Variants in RAD51B observed in about 807,000 individuals in gnomAD.
The protein encoded by RAD51B is DNA repair protein RAD51 homolog 2.
In RAD51B, 38 loss-of-function variants were observed where a neutral mutation model predicts 42.2. The ratio of observed to expected loss-of-function variants is 0.90; its 90% CI spans 0.70 to 1.18. The LOEUF is 1.18. Ranked by LOEUF, RAD51B falls within the 50% of genes most tolerant of loss-of-function variation. The pLI, the probability that RAD51B is intolerant of heterozygous loss-of-function variation, is 0.00. For missense variants in RAD51B, 373 were observed against 400.7 expected (o/e 0.93, Z 0.59); for synonymous variants, 154 against 145.2 (o/e 1.06, Z -0.43).
chr14:68,452,855 C>G (rs1311573593), intron 9 of RAD51B, among the ~76,000 whole-genome samples: 1 of 152,112 alleles, frequency 6.6e-6, no homozygotes, highest in Non-Finnish European at 1.5e-5. Flanking sequence ...GGTTAGAGTA[C>G]CCAAAATCAT....
At chr14:68,445,200 A>G (rs1415678099) in intron 9 of RAD51B, among the ~76,000 whole-genome samples, 3 of 152,114 alleles carry the variant, frequency 2.0e-5, no homozygotes, top group African/African-American at 7.2e-5. Context: ...ACAAAGGGAC[A>G]ATTTAGGGGA....
intron 11 of RAD51B, among the ~76,000 whole-genome samples, chr14:68,654,946 C>T (rs55767067): frequency 0.16 from 25,024 of 152,152 alleles, 2,596 homozygotes; most frequent in Admixed American, 0.23. Context: ...CTCCCTCCCC[C>T]CCTGCCTTCC....
chr14:68,183,177 G>A (rs2079087637), intron 7 of RAD51B, among the ~76,000 whole-genome samples: 2 of 152,174 alleles, frequency 1.3e-5, no homozygotes, highest in African/African-American at 4.8e-5. Context: ...CTCTCTGCAA[G>A]CTGAGGAGCA....
intron 9 of RAD51B, among the ~76,000 whole-genome samples, chr14:68,423,664 G>C (rs1391618435): frequency 6.6e-6 from 1 of 152,186 alleles, no homozygotes; most frequent in Non-Finnish European, 1.5e-5. Flanking sequence ...GTTCATGTAA[G>C]ATTATTCATG....
chr14:68,390,827 C>T (rs1409404276), intron 8 of RAD51B, among the ~76,000 whole-genome samples: 1 of 152,254 alleles, frequency 6.6e-6, no homozygotes, highest in Non-Finnish European at 1.5e-5. Flanking sequence ...GATGTCTGCA[C>T]TACTGAGATA....
intron 7 of RAD51B, among the ~76,000 whole-genome samples, chr14:67,987,244 C>T (rs892829099): frequency 2.0e-5 from 3 of 152,098 alleles, no homozygotes; most frequent in East Asian, 1.9e-4. Flanking sequence ...TATTGAGTAT[C>T]GTTACCCTAT....
chr14:68,062,678 AG>A (rs1426206236), intron 7 of RAD51B, among the ~76,000 whole-genome samples: 7 of 151,956 alleles, frequency 4.6e-5, no homozygotes, highest in Admixed American at 2.0e-4. Flanking sequence ...CCATGGTGAC[AG>A]GCACCTGTAA....
rs188343434 is a variant in RAD51B at position 67,921,424 on chromosome 14, T to C, written c.756+34220T>C. Among the ~76,000 whole-genome samples, 129 of 152,344 alleles carry C rather than the reference T, an allele frequency of 8.5e-4. 2 individuals are homozygous for C. The East Asian group carries it at 0.021, about 25-fold the overall frequency. ...GGTAATTATTATTGTAACCAATTTA[T>C]TGAACAAGTACAAGCTATTAGGGTA... On this transcript the variant is annotated intron_variant, in intron 7 of 10. Coordinates refer to ENST00000471583, the MANE Select transcript of RAD51B (RefSeq NM_133510.4).
intron 11 of RAD51B, among the ~76,000 whole-genome samples, chr14:68,659,877 G>T (rs1038450026): frequency 2.0e-5 from 3 of 152,244 alleles, no homozygotes; most frequent in Non-Finnish European, 4.4e-5. Flanking sequence ...GACAAGAGAT[G>T]CTGACACCTG....
At chr14:68,411,737 T>A (rs980209400) in intron 9 of RAD51B, among the ~76,000 whole-genome samples, 1 of 152,092 alleles carries the variant, frequency 6.6e-6, no homozygotes, top group African/African-American at 2.4e-5. Flanking sequence ...AACATAAGAA[T>A]TGATCCCACA....
rs149726593 is a variant in RAD51B at position 68,333,688 on chromosome 14, T to C, written c.853+41708T>C. 1.2e-4 allele frequency among the ~76,000 whole-genome samples: 18 copies of C among 152,362 alleles called. No homozygotes were observed. The East Asian group carries it at 3.1e-3, about 26-fold the overall frequency. ...GATAACATTGTACGTTATAATCATA[T>C]ACAACATGATGTTTTAAAGTACACA... is the stretch of plus-strand genomic sequence containing the variant. On this transcript the variant is annotated intron_variant, in intron 8 of 10. Coordinates refer to ENST00000471583, the MANE Select transcript of RAD51B (RefSeq NM_133510.4).
intron 7 of RAD51B, among the ~76,000 whole-genome samples, chr14:68,272,577 G>T (rs1253186570): frequency 9.2e-6 from 1 of 108,582 alleles, no homozygotes; most frequent in Non-Finnish European, 1.8e-5. Context: ...TTATTATTAT[G>T]TTTTCTGTAT....
chr14:67,844,416 C>T (rs1024475839), intron 4 of RAD51B, among the ~76,000 whole-genome samples: 66 of 151,624 alleles, frequency 4.4e-4, no homozygotes, highest in African/African-American at 1.5e-3. Context: ...AGTTTTCTGT[C>T]TTAATGATCT....
At chr14:68,249,214 A>G (rs372864709) in intron 7 of RAD51B, among the ~76,000 whole-genome samples, 1 of 152,336 alleles carries the variant, frequency 6.6e-6, no homozygotes, top group East Asian at 1.9e-4. Flanking sequence ...CACATGCCAC[A>G]GGACACACTA....
At chr14:68,511,800 G>A (rs1885747832) in intron 10 of RAD51B, among the ~76,000 whole-genome samples, 1 of 152,152 alleles carries the variant, frequency 6.6e-6, no homozygotes, top group Admixed American at 6.5e-5. Context: ...GTGATCTAGG[G>A]GGCATAGGGA....
At chr14:68,269,783 A>G (rs147640803) in intron 7 of RAD51B, among the ~76,000 whole-genome samples, 1 of 152,198 alleles carries the variant, frequency 6.6e-6, no homozygotes, top group East Asian at 1.9e-4. Context: ...TGTGGACTCA[A>G]TGAGGGATTG....
intron 7 of RAD51B, among the ~76,000 whole-genome samples, chr14:68,194,784 GGAA>G: frequency 6.6e-6 from 1 of 152,118 alleles, no homozygotes; most frequent in African/African-American, 2.4e-5. Flanking sequence ...AGTACAAGGG[GGAA>G]GAATACTTTT....
At chr14:68,066,503 T>G (rs1004084998) in intron 7 of RAD51B, among the ~76,000 whole-genome samples, 1 of 152,176 alleles carries the variant, frequency 6.6e-6, no homozygotes, top group Non-Finnish European at 1.5e-5. Flanking sequence ...GCAAGAAAAT[T>G]TGTAATGGCA....
At chr14:68,514,492 G>A (rs726420) in intron 10 of RAD51B, among the ~76,000 whole-genome samples, 1,588 of 152,298 alleles carry the variant, frequency 0.01, 8 homozygotes, top group Non-Finnish European at 0.018. Flanking sequence ...AAGACATCAT[G>A]CCTTGGGTTC....
Sources: allele counts gnomAD v4.1 joint callset (sites outside exome capture counted in the v4.1 genomes callset), GRCh38; gene constraint gnomAD v4.1.1; transcripts MANE v1.5; gene names NCBI Gene and HGNC (gene_info 2026-07-23, HGNC 2026-07-21).